STT3A: variants seen among roughly 807,000 people sequenced by gnomAD.
The protein encoded by STT3A is STT3 oligosaccharyltransferase complex catalytic subunit A.
In STT3A, 34 loss-of-function variants were observed where a neutral mutation model predicts 89.2. The ratio of observed to expected loss-of-function variants is 0.38; its 90% CI spans 0.29 to 0.51. STT3A has a LOEUF of 0.51. Among genes scored for constraint, STT3A ranks in the 20% least tolerant of loss-of-function variants. The probability of loss-of-function intolerance (pLI) is 0.89; values close to 1 mark genes in which losing one functional copy is unlikely to be tolerated. For synonymous variants in STT3A, 282 were observed against 310.3 expected (o/e 0.91, Z 0.96); for missense variants, 555 against 889.5 (o/e 0.62, Z 4.78).
Position 125,614,989 on chromosome 11 carries a change from TTCACAGCCGGGTGTGGTGGC to T in STT3A, c.1774+569_1774+588del, listed in dbSNP as rs1417273623. Among the ~76,000 whole-genome samples the T allele has an allele frequency of 2.0e-5, 3 of 152,196 alleles. No homozygotes were observed. Among genetic ancestry groups the T allele is most frequent in the African/African-American group, 7.2e-5 (3 of 41,540 alleles). On this transcript the variant is annotated intron_variant, in intron 15 of 17. Coordinates refer to ENST00000392708, the MANE Select transcript of STT3A (RefSeq NM_152713.5). The surrounding 1 kb of genome is among the most constrained non-coding windows in gnomAD (Gnocchi z 4.9). ...GTTTACACTTTAAAAAGTTAAGCAG[TTCACAGCCGGGTGTGGTGGC>T]TCACACCTGTAATCCCAGCACTTTG...
In STT3A at chr11:125,597,421, C is replaced by CA. The variant is rs58836204; in HGVS notation, c.149+318dup. ...GCAACATGGTGAAACCCCATCTCTA[C>CA]AAAAAAAAAAAAAAAAGTATGTGTT... On this transcript the variant is annotated intron_variant, in intron 3 of 17. Transcript: ENST00000392708. 0.85 allele frequency among the ~76,000 whole-genome samples: 108,906 copies of CA among 128,344 alleles called. 45,440 individuals are homozygous for CA. Among genetic ancestry groups the CA allele is most frequent in the South Asian group, 0.92 (3,598 of 3,932 alleles). 84.2% of individuals were successfully genotyped at this position (128,344 alleles called of 152,430 possible). A position where few individuals can be genotyped will look rare whatever the true frequency, so the allele number is the denominator to read the frequency against.
intron 11 of STT3A, among the ~76,000 whole-genome samples, chr11:125,611,837 G>A (rs1940027009): frequency 7.2e-6 from 1 of 139,154 alleles, no homozygotes; most frequent in Non-Finnish European, 1.6e-5. Flanking sequence ...ATTACCCAGT[G>A]CTAGATTGTT....
In STT3A at chr11:125,620,939, G is replaced by A; in HGVS notation, c.*129G>A. The A allele has an allele frequency of 1.3e-6, 1 of 761,756 alleles. No homozygotes were observed. The highest frequency in any genetic ancestry group is 2.0e-6 in the Non-Finnish European group (1 of 490,924). 47.2% of individuals were successfully genotyped at this position (761,756 alleles called of 1,614,324 possible). Reference sequence around the variant, plus strand: ...AACTGGATGGCATCAGAATTGTCTGGAAGTTTTGTCTTGGGCAGTATGGGC... The same window carrying A: ...AACTGGATGGCATCAGAATTGTCTGAAAGTTTTGTCTTGGGCAGTATGGGC... On this transcript the variant is annotated 3_prime_UTR_variant, in exon 18 of 18. Transcript: ENST00000392708.
intron 15 of STT3A, among the ~76,000 whole-genome samples, chr11:125,616,874 C>T (rs922823102): frequency 2.0e-4 from 30 of 152,226 alleles, no homozygotes; most frequent in Non-Finnish European, 2.6e-4. Context: ...GATTGGGTTT[C>T]GCCACATTGC....
chr11:125,615,622 G>A (rs1219545175), intron 15 of STT3A, among the ~76,000 whole-genome samples: 2 of 152,166 alleles, frequency 1.3e-5, no homozygotes, highest in East Asian at 3.8e-4. Context: ...AGACAGATGT[G>A]CATAGGTTAT....
At chr11:125,592,558 G>A (rs1324391571), upstream of STT3A, 1 of 448,508 alleles carries the variant, frequency 2.2e-6, no homozygotes, top group Non-Finnish European at 4.5e-6. Context: ...CTCCCCGTGG[G>A]TCCGCAAACC....
intron 10 of STT3A, among the ~76,000 whole-genome samples, chr11:125,610,071 T>C (rs1297112790): frequency 1.3e-4 from 10 of 76,638 alleles, no homozygotes; most frequent in Non-Finnish European, 2.4e-4. Context: ...TTTTTTTTTT[T>C]TTTTTTTTTG....
Position 125,612,743 on chromosome 11 carries a change from A to G in STT3A, c.1361A>G (p.Asn454Ser), listed in dbSNP as rs1131860. Residue 454 changes from asparagine (N) to serine (S), a missense_variant, in exon 12 of 18, where the codon AAT (asparagine) becomes AGT (serine). Transcript: ENST00000392708. ...KQQDSTYPIK[N>S]EVASGMILVM... ...CAGGATTCCACCTACCCTATTAAGA[A>G]TGAAGTGAGAAGCAATGTTAAGAGT... 1 of 1,613,710 alleles carries G rather than the reference A, an allele frequency of 6.2e-7. No individual in the cohort carries two copies. The highest frequency in any genetic ancestry group is 8.5e-7 in the Non-Finnish European group (1 of 1,179,894).
Position 125,614,322 on chromosome 11 carries a change from A to G in STT3A, c.1672-2A>G. On this transcript the variant is annotated splice_acceptor_variant, in intron 14 of 17. Transcript: ENST00000392708. LOFTEE classifies it high-confidence loss of function. This position sits in a 1 kb window ranked among gnomAD's most constrained non-coding sequence, Gnocchi z 4.9. ...CTGAGAATTGTACATTTGTTTTTCCAGGCAATGGCGTCCACAGAGGAAAAA... is the reference window on the plus strand; with the variant it reads ...CTGAGAATTGTACATTTGTTTTTCCGGGCAATGGCGTCCACAGAGGAAAAA... The G allele has an allele frequency of 6.2e-7, 1 of 1,614,118 alleles. No individual in the cohort carries two copies. Among genetic ancestry groups the G allele is most frequent in the Non-Finnish European group, 8.5e-7 (1 of 1,180,008 alleles).
intron 9 of STT3A, 142 bp from the exon 10 acceptor site, chr11:125,609,292 C>CT: frequency 2.0e-6 from 2 of 1,000,532 alleles, no homozygotes; most frequent in Non-Finnish European, 1.4e-6. Context: ...GTGAAACTCT[C>CT]TAAGTATTGG....
intron 16 of STT3A, 143 bp downstream of exon 16, chr11:125,618,704 G>A (rs1940253448): frequency 5.4e-6 from 4 of 746,788 alleles, no homozygotes; most frequent in Non-Finnish European, 7.9e-6. Context: ...GGCATATACT[G>A]ATATTATTGT....
chr11:125,611,559 C>T (rs2135936270), intron 11 of STT3A, 40 bp downstream of exon 11: 1 of 1,561,064 alleles, frequency 6.4e-7, no homozygotes, highest in Non-Finnish European at 8.8e-7. Flanking sequence ...TTCACTCTAA[C>T]TCTGAGGTGC....
At chr11:125,601,319 T>C (rs1322475988) in intron 3 of STT3A, among the ~76,000 whole-genome samples, 1 of 152,164 alleles carries the variant, frequency 6.6e-6, no homozygotes, top group Non-Finnish European at 1.5e-5. Context: ...TATGTTCCTG[T>C]CACTTAAAAG....
At position 125,613,302 on chromosome 11, in the gene STT3A, A is replaced by T; in HGVS notation, c.1554+125A>T. 1.0e-6 allele frequency: 1 copy of T among 1,001,716 alleles called. No homozygotes were observed. Among genetic ancestry groups the T allele is most frequent in the Non-Finnish European group, 1.5e-6 (1 of 686,516 alleles). 62.1% of individuals were successfully genotyped at this position (1,001,716 alleles called of 1,614,324 possible). On this transcript the variant is annotated intron_variant, in intron 13 of 17. Coordinates refer to ENST00000392708, the MANE Select transcript of STT3A (RefSeq NM_152713.5). This position sits in a 1 kb window ranked among gnomAD's most constrained non-coding sequence, Gnocchi z 4.2. ...GGTGAAACTGGAACTTTGCAACTCT[A>T]GTCTTGAATGAGCCTTAAAGGTGAA...
chr11:125,599,724 T>TTAG, intron 3 of STT3A, among the ~76,000 whole-genome samples: 1 of 147,622 alleles, frequency 6.8e-6, no homozygotes, highest in East Asian at 2.0e-4. Context: ...TTATTTTTAT[T>TTAG]TATTATTATT....
rs748587498 is a variant in STT3A at position 125,613,189 on chromosome 11, G to C, written c.1554+12G>C. On this transcript the variant is annotated intron_variant, in intron 13 of 17. Coordinates refer to ENST00000392708, the MANE Select transcript of STT3A (RefSeq NM_152713.5). The surrounding 1 kb of genome is among the most constrained non-coding windows in gnomAD (Gnocchi z 4.2). ...ATAATACTCCAGAGGTGAAGATTTG[G>C]GAGGGGTGGGAATTGTGGGTTAGGG... 1 of 1,612,502 alleles carries C rather than the reference G, an allele frequency of 6.2e-7. No homozygotes were observed. Among genetic ancestry groups the C allele is most frequent in the Non-Finnish European group, 8.5e-7 (1 of 1,179,198 alleles).
rs770331166 is a variant in STT3A, at chr11:125,605,670, A to G, written c.550A>G (p.Ile184Val). 6.2e-7 allele frequency: 1 copy of G among 1,614,104 alleles called. No individual in the cohort carries two copies. Among genetic ancestry groups the G allele is most frequent in the South Asian group, 1.1e-5 (1 of 91,070 alleles). The part of the protein sequence containing the change: ...FCMLLTYYMW[I>V]KAVKTGSICW... ...CATGCTACTCACCTACTACATGTGG[A>G]TCAAGGCAGTAAAGACTGGTTCCAT... Residue 184 changes from isoleucine to valine, a missense_variant, in exon 7 of 18, where the codon ATC (isoleucine) becomes GTC (valine). Coordinates refer to ENST00000392708, the MANE Select transcript of STT3A (RefSeq NM_152713.5).
Position 125,620,717 on chromosome 11 carries a change from A to G in STT3A, c.2080-55A>G, listed in dbSNP as rs1940322130. 2.5e-6 allele frequency: 4 copies of G among 1,578,478 alleles called. No homozygotes were observed. In the South Asian group the frequency reaches 4.4e-5, roughly 18 times the overall value. ...CTGGGTGAATCCATTTTAGTAGAAA[A>G]TTTCTCCAAAGTTGATCTGATTGTA... On this transcript the variant is annotated intron_variant, in intron 17 of 17. Coordinates refer to ENST00000392708, the MANE Select transcript of STT3A (RefSeq NM_152713.5).
rs3837396 is a variant in STT3A at position 125,601,807 on chromosome 11, A to AT, written c.150-487dup. Among the ~76,000 whole-genome samples, 11 of 150,054 alleles carry AT rather than the reference A, an allele frequency of 7.3e-5. No individual in the cohort carries two copies. The South Asian group carries it at 8.5e-4, about 12-fold the overall frequency. ...AGTTTCATTTCCTTTTTATTTATTTATTTTTTTTTCTGAGATGGAGTCTTG... is the reference window on the plus strand; with the variant it reads ...AGTTTCATTTCCTTTTTATTTATTTATTTTTTTTTTCTGAGATGGAGTCTTG... On this transcript the variant is annotated intron_variant, in intron 3 of 17. Coordinates refer to ENST00000392708, the MANE Select transcript of STT3A (RefSeq NM_152713.5).
Sources: allele counts gnomAD v4.1 joint callset (sites outside exome capture counted in the v4.1 genomes callset), GRCh38; gene constraint gnomAD v4.1.1; non-coding constraint Gnocchi (gnomAD v3.1); transcripts MANE v1.5; gene names NCBI Gene and HGNC (gene_info 2026-07-23, HGNC 2026-07-21).